Variants in KRTAP4-11 observed in about 807,000 individuals in gnomAD.
KRTAP4-11 encodes keratin associated protein 4-11.
KRTAP4-11 carries 3 observed loss-of-function variants against 3.4 expected under a neutral mutation model. That is an observed-to-expected ratio of 0.87 (90% CI 0.40 to 2.26). The LOEUF is 2.26. KRTAP4-11 is among the 30% of genes most tolerant of loss of function. KRTAP4-11 has a pLI of 0.05. For synonymous variants in KRTAP4-11, 94 were observed against 89.4 expected (o/e 1.05, Z -0.29); for missense variants, 248 against 258.8 (o/e 0.96, Z 0.29).
rs756399704 is a variant in KRTAP4-11 at position 41,117,790 on chromosome 17, G to C, written c.526C>G (p.Arg176Gly). 6 of 1,598,336 alleles carry C rather than the reference G, an allele frequency of 3.8e-6. No individual in the cohort carries two copies. In the East Asian group the frequency reaches 6.9e-5, roughly 18 times the overall value. The change falls in exon 1 of 1, where the codon CGC (arginine) becomes GGC (glycine). Residue 176 changes from arginine (R) to glycine (G), a missense_variant. This residue lies in a region of KRTAP4-11 where 131 missense variants were observed against 130.2 expected (regional missense o/e 1.01). Coordinates refer to ENST00000391413, the MANE Select transcript of KRTAP4-11 (RefSeq NM_033059.4). ...GRVSCHTTCYRPTCVISSCPR... is the reference protein window; with the variant it reads ...GRVSCHTTCYGPTCVISSCPR... ...CAGCTGGAGATGACACAGGTTGGGC[G>C]ATAGCAAGTGGTGTGGCAGGAGACT...
At position 41,117,709 on chromosome 17, in the gene KRTAP4-11, A is replaced by G. The variant is rs1489442521; in HGVS notation, c.*19T>C. ...CTGTGGGCCTGCAGTGAAGGGAGAG[A>G]TGAGCCAGGGCAGTGGGCTCAGCAG... On this transcript the variant is annotated 3_prime_UTR_variant, in exon 1 of 1. Transcript: ENST00000391413. The G allele has an allele frequency of 1.3e-6, 2 of 1,561,282 alleles. No individual in the cohort carries two copies. Among genetic ancestry groups the G allele is most frequent in the Admixed American group, 1.9e-5 (1 of 51,884 alleles).
rs1408992149 is a variant in KRTAP4-11 at position 41,117,282 on chromosome 17, AAG to A, written c.*444_*445del. ...TGGCAAACTTGAACAAACAGAGACA[AAG>A]AGAGAACAGGGAGAAAGCAGGAGAG... On this transcript the variant is annotated 3_prime_UTR_variant, in exon 1 of 1. Coordinates refer to ENST00000391413, the MANE Select transcript of KRTAP4-11 (RefSeq NM_033059.4). 1 of 185,648 alleles carries A rather than the reference AAG, an allele frequency of 5.4e-6. No individual in the cohort carries two copies. The highest frequency in any genetic ancestry group is 1.5e-4 in the East Asian group (1 of 6,708). 11.5% of individuals were successfully genotyped at this position (185,648 alleles called of 1,614,324 possible).
Position 41,117,551 on chromosome 17 carries a change from A to T in KRTAP4-11, c.*177T>A, listed in dbSNP as rs1423774685. 1.8e-6 allele frequency: 2 copies of T among 1,083,318 alleles called. No individual in the cohort carries two copies. The highest frequency in any genetic ancestry group is 2.6e-5 in the East Asian group (1 of 37,848). The allele number at this position is 1,083,318 out of a possible 1,614,324, so 67.1% of individuals were successfully genotyped here. A position where few individuals can be genotyped will look rare whatever the true frequency, so the allele number is the denominator to read the frequency against. ...GAAAGAAAGCAAGGGAGGGAGTTTA[A>T]AATGAACCAGAATGTTCTCACAGAG... On this transcript the variant is annotated 3_prime_UTR_variant, in exon 1 of 1. Coordinates refer to ENST00000391413, the MANE Select transcript of KRTAP4-11 (RefSeq NM_033059.4).
Position 41,117,554 on chromosome 17 carries a change from T to G in KRTAP4-11, c.*174A>C, listed in dbSNP as rs1030583898. 1 of 1,089,904 alleles carries G rather than the reference T, an allele frequency of 9.2e-7. No individual in the cohort carries two copies. The highest frequency in any genetic ancestry group is 1.6e-5 in the African/African-American group (1 of 62,766). 67.5% of individuals were successfully genotyped at this position (1,089,904 alleles called of 1,614,324 possible). ...AGAAAGCAAGGGAGGGAGTTTAAAA[T>G]GAACCAGAATGTTCTCACAGAGTCA... is the stretch of plus-strand genomic sequence containing the variant. On this transcript the variant is annotated 3_prime_UTR_variant, in exon 1 of 1. Coordinates refer to ENST00000391413, the MANE Select transcript of KRTAP4-11 (RefSeq NM_033059.4).
In KRTAP4-11 at chr17:41,118,343, G is replaced by C; in HGVS notation, c.-28C>G. 6.4e-7 allele frequency: 1 copy of C among 1,567,976 alleles called. No individual in the cohort carries two copies. Among genetic ancestry groups the C allele is most frequent in the South Asian group, 1.2e-5 (1 of 82,348 alleles). On this transcript the variant is annotated 5_prime_UTR_variant, in exon 1 of 1. Coordinates refer to ENST00000391413, the MANE Select transcript of KRTAP4-11 (RefSeq NM_033059.4). ...TGTCAGAGGGTGAAGGATCTAGTTG[G>C]GTTTCTAGGAGAGTGAAGTTCTTGT...
rs757148108 is a variant in KRTAP4-11 at position 41,118,149 on chromosome 17, T to G, written c.167A>C (p.Gln56Pro). ...VSSCCRPQCC[Q>P]SVCCQPTCCR... ...GCAGGTGGGCTGGCAGCACACAGAC[T>G]GGCAGCACTGGGGCCTGCAGCAGCT... The change falls in exon 1 of 1, where the codon CAG becomes CCG. Residue 56 changes from glutamine (Q) to proline (P), a missense_variant. By Grantham distance (76) the Gln-to-Pro change is moderately conservative (BLOSUM62 -1). Coordinates refer to ENST00000391413, the MANE Select transcript of KRTAP4-11 (RefSeq NM_033059.4). 4 of 1,562,902 alleles carry G rather than the reference T, an allele frequency of 2.6e-6. No homozygotes were observed. Among genetic ancestry groups the G allele is most frequent in the African/African-American group, 1.5e-5 (1 of 68,010 alleles).
In KRTAP4-11 at chr17:41,117,744, G is replaced by A. The variant is rs1392785717; in HGVS notation, c.572C>T (p.Ala191Val). The change falls in exon 1 of 1, where the codon GCC becomes GTC. Residue 191 changes from alanine (A) to valine (V), a missense_variant. Physicochemically the swap from Ala to Val is moderately conservative, Grantham distance 64. This residue lies in a region of KRTAP4-11 where 131 missense variants were observed against 130.2 expected (regional missense o/e 1.01). Transcript: ENST00000391413. ...GCAGTGGGCTCAGCAGCAAGAGGAG[G>A]CACAGCACAAGGGGCGGGGGCAGCT... ...ISSCPRPLCC[A>V]SSCC 3 of 1,584,350 alleles carry A rather than the reference G, an allele frequency of 1.9e-6. No homozygotes were observed. The East Asian group carries it at 7.0e-5, about 37-fold the overall frequency.
chr17:41,117,774 A>T lies in KRTAP4-11; in HGVS notation c.542T>A (p.Ile181Asn). The T allele has an allele frequency of 1.3e-6, 2 of 1,595,068 alleles. No homozygotes were observed. The highest frequency in any genetic ancestry group is 1.7e-6 in the Non-Finnish European group (2 of 1,171,130). Residue 181 changes from isoleucine (I) to asparagine (N), a missense_variant, in exon 1 of 1, where the codon ATC becomes AAC. Transcript: ENST00000391413. ...GCACAAGGGGCGGGGGCAGCTGGAG[A>T]TGACACAGGTTGGGCGATAGCAAGT... ...HTTCYRPTCV[I>N]SSCPRPLCCA... is the part of the protein sequence containing the mutation.
Position 41,118,238 on chromosome 17 carries a change from G to A in KRTAP4-11, c.78C>T (p.Arg26=), listed in dbSNP as rs1178410367. Reference sequence around the variant, plus strand: ...AGCAGGTGGTCTCACAGCAGCTGGGGCGGCAGCAGGTCTCCTGGCAGAGGT... The same window carrying A: ...AGCAGGTGGTCTCACAGCAGCTGGGACGGCAGCAGGTCTCCTGGCAGAGGT... The part of the protein sequence containing the change: ...GRDLCQETCC[R]PSCCETTCCR... Residue 26 remains arginine, a synonymous_variant, in exon 1 of 1, where the codon CGC becomes CGT. Transcript: ENST00000391413. The A allele has an allele frequency of 3.1e-6, 5 of 1,613,588 alleles. No homozygotes were observed. The highest frequency in any genetic ancestry group is 1.1e-5 in the South Asian group (1 of 91,046).
Position 41,118,073 on chromosome 17 carries a change from C to T in KRTAP4-11, c.243G>A (p.Val81=), listed in dbSNP as rs2014321182. 6.3e-7 allele frequency: 1 copy of T among 1,577,396 alleles called. No individual in the cohort carries two copies. Among genetic ancestry groups the T allele is most frequent in the Non-Finnish European group, 8.6e-7 (1 of 1,161,702 alleles). The change falls in exon 1 of 1, where the codon GTG becomes GTA. Residue 81 remains valine, a synonymous_variant. Transcript: ENST00000391413. The stretch of plus-strand genomic sequence containing the variant: ...AGCACTGGGGCTTGCAGCAGCTGGA[C>T]ACACAGCAGCTGGGGCGACAGCAGC... The part of the protein sequence containing the change: ...ISSCCRPSCC[V]SSCCKPQCCQ...
rs1333364688 is a variant in KRTAP4-11, at chr17:41,118,352, G to A, written c.-37C>T. The A allele has an allele frequency of 5.8e-6, 9 of 1,555,416 alleles. No individual in the cohort carries two copies. In the South Asian group the frequency reaches 8.7e-5, roughly 15 times the overall value. ...GTGAAGGATCTAGTTGGGTTTCTAG[G>A]AGAGTGAAGTTCTTGTGTTTGGAAG... On this transcript the variant is annotated 5_prime_UTR_variant, in exon 1 of 1. Transcript: ENST00000391413.
chr17:41,118,251 T>A lies in KRTAP4-11; in HGVS notation c.65A>T (p.Glu22Val). 6.2e-7 allele frequency: 1 copy of A among 1,613,470 alleles called. No individual in the cohort carries two copies. Among genetic ancestry groups the A allele is most frequent in the Non-Finnish European group, 8.5e-7 (1 of 1,179,854 alleles). Residue 22 changes from glutamate to valine, a missense_variant, in exon 1 of 1, where the codon GAG (glutamate) becomes GTG (valine). By Grantham distance (121) the Glu-to-Val change is moderately radical (BLOSUM62 -2). This residue lies in a region of KRTAP4-11 where 110 missense variants were observed against 102.8 expected (regional missense o/e 1.07). Coordinates refer to ENST00000391413, the MANE Select transcript of KRTAP4-11 (RefSeq NM_033059.4). The part of the protein sequence containing the change: ...HQGCGRDLCQ[E>V]TCCRPSCCET... ...ACAGCAGCTGGGGCGGCAGCAGGTC[T>A]CCTGGCAGAGGTCTCGGCCACAGCC...
chr17:41,117,398 T>C lies in KRTAP4-11; in HGVS notation c.*330A>G, dbSNP rs1285185045. ...TAATATGTTTGAAATGGAGATAATG[T>C]GTACCTCACTGGGAAGGATATTCTG... is the stretch of plus-strand genomic sequence containing the variant. On this transcript the variant is annotated 3_prime_UTR_variant, in exon 1 of 1. Coordinates refer to ENST00000391413, the MANE Select transcript of KRTAP4-11 (RefSeq NM_033059.4). The C allele has an allele frequency of 6.7e-6, 3 of 446,328 alleles. No homozygotes were observed. Among genetic ancestry groups the C allele is most frequent in the Non-Finnish European group, 1.2e-5 (3 of 252,158 alleles). The allele number at this position is 446,328 out of a possible 1,614,324, so 27.6% of individuals were successfully genotyped here.
At position 41,117,575 on chromosome 17, in the gene KRTAP4-11, A is replaced by G; in HGVS notation, c.*153T>C. The G allele has an allele frequency of 4.9e-6, 6 of 1,235,688 alleles. No individual in the cohort carries two copies. In the South Asian group the frequency reaches 8.1e-5, roughly 17 times the overall value. 76.5% of individuals were successfully genotyped at this position (1,235,688 alleles called of 1,614,324 possible). A position where few individuals can be genotyped will look rare whatever the true frequency, so the allele number is the denominator to read the frequency against. On this transcript the variant is annotated 3_prime_UTR_variant, in exon 1 of 1. Coordinates refer to ENST00000391413, the MANE Select transcript of KRTAP4-11 (RefSeq NM_033059.4). ...AAAATGAACCAGAATGTTCTCACAGAGTCAGTGGGATGGTGATGGGCTCAT... is the reference window on the plus strand; with the variant it reads ...AAAATGAACCAGAATGTTCTCACAGGGTCAGTGGGATGGTGATGGGCTCAT...
Position 41,118,299 on chromosome 17 carries a change from C to A in KRTAP4-11, c.17G>T (p.Cys6Phe), listed in dbSNP as rs776672192. The A allele has an allele frequency of 4.4e-6, 7 of 1,605,102 alleles. No homozygotes were observed. Among genetic ancestry groups the A allele is most frequent in the Admixed American group, 1.7e-5 (1 of 59,706 alleles). ...GCCTTGGTGAGAGCACACGGAGCCA[C>A]AACAGGAGTTTACCATGGTGTCAGA... Reference protein sequence around the residue: MVNSCCGSVCSHQGCG... With the variant: MVNSCFGSVCSHQGCG... Residue 6 changes from cysteine (C) to phenylalanine (F), a missense_variant, in exon 1 of 1, where the codon TGT becomes TTT. This residue lies in a region of KRTAP4-11 where 110 missense variants were observed against 102.8 expected (regional missense o/e 1.07). Transcript: ENST00000391413.
Position 41,118,240 on chromosome 17 carries a change from G to A in KRTAP4-11, c.76C>T (p.Arg26Cys), listed in dbSNP as rs760616723. 6.3e-5 allele frequency: 102 copies of A among 1,613,520 alleles called. No individual in the cohort carries two copies. The highest frequency in any genetic ancestry group is 4.9e-4 in the East Asian group (22 of 44,874). ...CAGGTGGTCTCACAGCAGCTGGGGC[G>A]GCAGCAGGTCTCCTGGCAGAGGTCT... is the stretch of plus-strand genomic sequence containing the variant. ...GRDLCQETCC[R>C]PSCCETTCCR... Residue 26 changes from arginine to cysteine, a missense_variant, in exon 1 of 1, where the codon CGC (arginine) becomes TGC (cysteine). Arg to Cys is a radical substitution (Grantham distance 180). Transcript: ENST00000391413.
rs772320868 is a variant in KRTAP4-11 at position 41,118,161 on chromosome 17, G to A, written c.155C>T (p.Pro52Leu). The A allele has an allele frequency of 1.3e-6, 2 of 1,563,492 alleles. No homozygotes were observed. Among genetic ancestry groups the A allele is most frequent in the Non-Finnish European group, 1.7e-6 (2 of 1,151,334 alleles). Residue 52 changes from proline (P) to leucine (L), a missense_variant, in exon 1 of 1, where the codon CCC (proline) becomes CTC (leucine). Pro to Leu is a moderately conservative substitution (Grantham distance 98). Coordinates refer to ENST00000391413, the MANE Select transcript of KRTAP4-11 (RefSeq NM_033059.4). ...GCAGCACACAGACTGGCAGCACTGG[G>A]GCCTGCAGCAGCTGGACACACAGCA... is the stretch of plus-strand genomic sequence containing the variant. ...PSCCVSSCCR[P>L]QCCQSVCCQP...
chr17:41,117,453 A>G lies in KRTAP4-11; in HGVS notation c.*275T>C. On this transcript the variant is annotated 3_prime_UTR_variant, in exon 1 of 1. Transcript: ENST00000391413. ...CTCAAAACGATTTAAAAAATGAGGA[A>G]TTTAGAGGATTGGAATAATTTCTTA... The G allele has an allele frequency of 3.4e-6, 2 of 582,260 alleles. No individual in the cohort carries two copies. Among genetic ancestry groups the G allele is most frequent in the Non-Finnish European group, 6.0e-6 (2 of 335,002 alleles). The allele number at this position is 582,260 out of a possible 1,614,324, so 36.1% of individuals were successfully genotyped here. A position where few individuals can be genotyped will look rare whatever the true frequency, so the allele number is the denominator to read the frequency against.
chr17:41,117,883 A>C lies in KRTAP4-11; in HGVS notation c.433T>G (p.Cys145Gly). ...CHPSCSISSC[C>G]RPSCCESSCC... ...CTGGATTCACAGCAAGAGGGGCGGCAGCAGCTGGAGATGCTGCAGCTGGGG... is the reference window on the plus strand; with the variant it reads ...CTGGATTCACAGCAAGAGGGGCGGCCGCAGCTGGAGATGCTGCAGCTGGGG... Residue 145 changes from cysteine (C) to glycine (G), a missense_variant, in exon 1 of 1, where the codon TGC (cysteine) becomes GGC (glycine). By Grantham distance (159) the Cys-to-Gly change is radical. This residue lies in a region of KRTAP4-11 where 131 missense variants were observed against 130.2 expected (regional missense o/e 1.01). Transcript: ENST00000391413. 1.9e-6 allele frequency: 3 copies of C among 1,606,140 alleles called. No individual in the cohort carries two copies. Among genetic ancestry groups the C allele is most frequent in the Non-Finnish European group, 2.6e-6 (3 of 1,174,842 alleles).
Sources: allele counts gnomAD v4.1 joint callset, GRCh38; gene constraint gnomAD v4.1.1; regional missense constraint gnomAD v4.1.1; transcripts MANE v1.5; gene names NCBI Gene and HGNC (gene_info 2026-07-23, HGNC 2026-07-21).